SPATS2: variants seen among roughly 807,000 people sequenced by gnomAD.
SPATS2 encodes spermatogenesis associated serine rich 2.
Under a neutral mutation model 63.7 loss-of-function variants are expected in SPATS2, and 38 were observed. The observed-to-expected ratio is 0.60, with a 90% CI of 0.46 to 0.78. The LOEUF (loss-of-function observed/expected upper bound fraction) is 0.78, where lower values mean the gene tolerates loss of function less well. SPATS2 is among the 30% of genes least tolerant of loss of function. SPATS2 has a pLI of 0.00. For missense variants in SPATS2, 588 were observed against 666.2 expected, an observed-to-expected ratio of 0.88 and a Z score of 1.29; for synonymous variants, 207 against 232.9, an observed-to-expected ratio of 0.89 and a Z score of 1.01.
At chr12:49,376,637 T>C (rs1416273880) in intron 2 of SPATS2, among the ~76,000 whole-genome samples, 1 of 151,798 alleles carries the variant, frequency 6.6e-6, no homozygotes, top group Non-Finnish European at 1.5e-5. Flanking sequence ...CCTCAAGCAG[T>C]CCATTGGCTT....
intron 2 of SPATS2, among the ~76,000 whole-genome samples, chr12:49,436,080 C>A (rs1271700661): frequency 6.6e-6 from 1 of 152,008 alleles, no homozygotes; most frequent in Admixed American, 6.5e-5. Context: ...ATTTCTCAAT[C>A]TTTTCCCCAC....
intron 3 of SPATS2, among the ~76,000 whole-genome samples, chr12:49,468,459 CT>C (rs543142181): frequency 3.3e-5 from 5 of 149,710 alleles, no homozygotes; most frequent in African/African-American, 4.9e-5. Context: ...TGTGCCCGGC[CT>C]TTTTTTTTGT....
chr12:49,450,813 G>T (rs1945608447), intron 2 of SPATS2, among the ~76,000 whole-genome samples: 1 of 151,960 alleles, frequency 6.6e-6, no homozygotes, highest in East Asian at 1.9e-4. Flanking sequence ...CGAAGTGCTG[G>T]AATTACAGGC....
At chr12:49,387,984 A>G (rs1409923963) in intron 2 of SPATS2, among the ~76,000 whole-genome samples, 1 of 152,126 alleles carries the variant, frequency 6.6e-6, no homozygotes, top group East Asian at 1.9e-4. Context: ...TTGCTATATT[A>G]TAGCCCAGCC....
At chr12:49,406,342 C>T (rs1397550783) in intron 2 of SPATS2, 2 of 151,096 alleles carry the variant, frequency 1.3e-5, no homozygotes, top group Non-Finnish European at 2.9e-5. Context: ...TGGAGTGCAG[C>T]AGTGCAATCA....
rs1945810473 is a variant in SPATS2, at chr12:49,460,924, A to G, written c.-89A>G. The G allele has an allele frequency of 2.7e-6, 4 of 1,508,770 alleles. No homozygotes were observed. The highest frequency in any genetic ancestry group is 1.2e-5 in the South Asian group (1 of 84,742). The allele number at this position is 1,508,770 out of a possible 1,614,324, so 93.5% of individuals were successfully genotyped here. On this transcript the variant is annotated 5_prime_UTR_variant, in exon 3 of 14. Coordinates refer to ENST00000552918, the MANE Select transcript of SPATS2 (RefSeq NM_023071.4). ...TTCCAACTGCACACTTCCGTTGCCC[A>G]CTTTTAAATCAGAGATACCTACACT... is the stretch of plus-strand genomic sequence containing the variant.
intron 2 of SPATS2, among the ~76,000 whole-genome samples, chr12:49,385,446 T>C (rs1455475232): frequency 1.3e-5 from 2 of 151,516 alleles, no homozygotes; most frequent in African/African-American, 4.9e-5. Flanking sequence ...GAAGGCCTTG[T>C]TGAGAAACTA....
At chr12:49,390,144 C>G in intron 2 of SPATS2, 1 of 1,540,896 alleles carries the variant, frequency 6.5e-7, no homozygotes, top group East Asian at 2.3e-5. Flanking sequence ...CCAACAGTGA[C>G]TTGAGTCTGA....
chr12:49,438,326 T>C lies in SPATS2; in HGVS notation c.-243-22444T>C, dbSNP rs187483813. Among the ~76,000 whole-genome samples the C allele has an allele frequency of 2.4e-4, 37 of 152,354 alleles. No homozygotes were observed. In the East Asian group the frequency reaches 6.9e-3, roughly 29 times the overall value. On this transcript the variant is annotated intron_variant, in intron 2 of 13. Transcript: ENST00000552918. Reference sequence around the variant, plus strand: ...CTTTTTTATTAGTAGTTTTTAATTATATCAATATACCACAATTAGTCTATT... The same window carrying C: ...CTTTTTTATTAGTAGTTTTTAATTACATCAATATACCACAATTAGTCTATT...
intron 2 of SPATS2, among the ~76,000 whole-genome samples, chr12:49,396,387 TTTGA>T (rs1565701369): frequency 6.6e-6 from 1 of 152,314 alleles, no homozygotes; most frequent in East Asian, 1.9e-4. Flanking sequence ...GGGTGCTGTC[TTTGA>T]TTGCTGATTT....
intron 10 of SPATS2, 42 bp downstream of exon 10, chr12:49,514,655 A>G: frequency 1.9e-6 from 3 of 1,577,638 alleles, no homozygotes; most frequent in Middle Eastern, 1.7e-4. Context: ...ACCTTCATAA[A>G]TAGTAGGTAC....
chr12:49,380,971 C>T (rs1944209242), intron 2 of SPATS2, among the ~76,000 whole-genome samples: 1 of 151,446 alleles, frequency 6.6e-6, no homozygotes, highest in Admixed American at 6.6e-5. Context: ...ATACAGTTTT[C>T]CATAGCGGCT....
intron 1 of SPATS2, among the ~76,000 whole-genome samples, chr12:49,367,906 C>T (rs1017786397): frequency 5.3e-5 from 8 of 151,936 alleles, no homozygotes; most frequent in Non-Finnish European, 8.8e-5. Flanking sequence ...CGAGATAGAA[C>T]GAAAGAATAG....
At chr12:49,471,286 C>T (rs750093415) in intron 3 of SPATS2, among the ~76,000 whole-genome samples, 3 of 152,120 alleles carry the variant, frequency 2.0e-5, no homozygotes, top group Non-Finnish European at 2.9e-5. Context: ...ATTTATAATT[C>T]CTGTAACTCA....
intron 2 of SPATS2, among the ~76,000 whole-genome samples, chr12:49,406,785 G>A (rs1156628930): frequency 6.6e-6 from 1 of 151,606 alleles, no homozygotes; most frequent in Non-Finnish European, 1.5e-5. Context: ...AAAAAAAAAA[G>A]TAAGAATTCG....
At chr12:49,522,911 G>A (rs909371892) in intron 12 of SPATS2, 58 bp downstream of exon 12, 9 of 1,419,120 alleles carry the variant, frequency 6.3e-6, no homozygotes, top group African/African-American at 2.8e-5. Context: ...AGAGACTGAC[G>A]TGCTGATTGT....
intron 1 of SPATS2, among the ~76,000 whole-genome samples, chr12:49,368,918 T>C (rs908115507): frequency 6.6e-6 from 1 of 152,202 alleles, no homozygotes; most frequent in Non-Finnish European, 1.5e-5. Context: ...GCATTTAGGT[T>C]ACTTTACAAA....
chr12:49,433,643 T>C (rs982800863), intron 2 of SPATS2, among the ~76,000 whole-genome samples: 3 of 151,956 alleles, frequency 2.0e-5, no homozygotes, highest in South Asian at 2.1e-4. Context: ...GTTTTTGTTG[T>C]TGTTGTTGTT....
At chr12:49,430,118 T>TTTTTTTG (rs1945157822) in intron 2 of SPATS2, among the ~76,000 whole-genome samples, 1 of 148,224 alleles carries the variant, frequency 6.7e-6, no homozygotes, top group African/African-American at 2.5e-5. Context: ...TTTTTTTTTT[T>TTTTTTTG]GAGACAAAGT....
Sources: allele counts gnomAD v4.1 joint callset (sites outside exome capture counted in the v4.1 genomes callset), GRCh38; gene constraint gnomAD v4.1.1; transcripts MANE v1.5; gene names NCBI Gene and HGNC (gene_info 2026-07-23, HGNC 2026-07-21).